TFB1M: variants seen among roughly 807,000 people sequenced by gnomAD.
TFB1M encodes the protein dimethyladenosine transferase 1, mitochondrial.
Under a neutral mutation model 31.1 loss-of-function variants are expected in TFB1M, and 27 were observed. The ratio of observed to expected loss-of-function variants is 0.87; its 90% confidence interval spans 0.64 to 1.20. The LOEUF (loss-of-function observed/expected upper bound fraction) is 1.20, where lower values mean the gene tolerates loss of function less well. Ranked by LOEUF, TFB1M falls within the 50% of genes most tolerant of loss-of-function variation. The probability of loss-of-function intolerance (pLI) is 0.00; values close to 1 mark genes in which losing one functional copy is unlikely to be tolerated. For missense variants in TFB1M, 394 were observed against 418.7 expected, an observed-to-expected ratio of 0.94 and a Z score of 0.51; for synonymous variants, 166 against 151.8, an observed-to-expected ratio of 1.09 and a Z score of -0.69.
intron 2 of TFB1M, among the ~76,000 whole-genome samples, chr6:155,302,424 C>T (rs951809356): frequency 2.0e-5 from 3 of 151,954 alleles, no homozygotes; most frequent in Admixed American, 6.6e-5. Flanking sequence ...ATATAAAAGA[C>T]TACTGCTATT....
intron 2 of TFB1M, among the ~76,000 whole-genome samples, chr6:155,301,727 A>G (rs1477809981): frequency 1.3e-5 from 2 of 152,194 alleles, no homozygotes; most frequent in Non-Finnish European, 2.9e-5. Flanking sequence ...AAGGCTATAA[A>G]AGAAGAAACC....
Position 155,298,568 on chromosome 6 carries a change from T to G in TFB1M, c.303A>C (p.Ala101=), listed in dbSNP as rs1166692687. 1 of 1,612,014 alleles carries G rather than the reference T, an allele frequency of 6.2e-7. No individual in the cohort carries two copies. The highest frequency in any genetic ancestry group is 1.7e-5 in the Admixed American group (1 of 60,010). The change falls in exon 3 of 7, where the codon GCA becomes GCC. Residue 101 remains alanine (A), a synonymous_variant. Coordinates refer to ENST00000367166, the MANE Select transcript of TFB1M (RefSeq NM_016020.4). The part of the protein sequence containing the change: ...IPGLQMLSDA[A]PGKLRIVHGD... ...CATGAACAATTCTCAGTTTCCCAGG[T>G]GCTGCATCAGAAAGCATCTAGTTTA...
chr6:155,291,748 A>G (rs1776936546), intron 4 of TFB1M, among the ~76,000 whole-genome samples: 1 of 152,134 alleles, frequency 6.6e-6, no homozygotes, highest in Non-Finnish European at 1.5e-5. Flanking sequence ...AACCAAAAAC[A>G]TGTCAGACAT....
the TFB1M span, among the ~76,000 whole-genome samples, chr6:155,245,036 A>T: frequency 1.3e-5 from 2 of 152,080 alleles, no homozygotes; most frequent in Non-Finnish European, 2.9e-5. Flanking sequence ...TTGACCACGT[A>T]CGTGCTCTTT....
rs1392369884 is a variant in TFB1M, at chr6:155,286,497, GTGTGTA to G, written c.547-1226_547-1221del. 2.0e-4 allele frequency among the ~76,000 whole-genome samples: 28 copies of G among 139,424 alleles called. No homozygotes were observed. The East Asian group carries it at 4.2e-3, about 21-fold the overall frequency. 91.5% of individuals were successfully genotyped at this position (139,424 alleles called of 152,430 possible). ...TATATATATGTGTGTGTATATATAT[GTGTGTA>G]TATATATGTGTGTATATATATGTAT... is the stretch of plus-strand genomic sequence containing the variant. On this transcript the variant is annotated intron_variant, in intron 4 of 6. Transcript: ENST00000367166.
At chr6:155,273,552 CT>C (rs1484199921) in intron 5 of TFB1M, among the ~76,000 whole-genome samples, 1 of 152,184 alleles carries the variant, frequency 6.6e-6, no homozygotes, top group African/African-American at 2.4e-5. Flanking sequence ...CTCTACAGTC[CT>C]TTTTTTCCTT....
chr6:155,285,281 G>C lies in TFB1M; in HGVS notation c.547-4C>G. Reference sequence around the variant, plus strand: ...TTCCTGTATTGGCTGCAAGTCTCTAGAGAGAGACAAAAATGAATTTTAGCA... The same window carrying C: ...TTCCTGTATTGGCTGCAAGTCTCTACAGAGAGACAAAAATGAATTTTAGCA... On this transcript the variant is annotated splice_region_variant and splice_polypyrimidine_tract_variant and intron_variant, in intron 4 of 6. Coordinates refer to ENST00000367166, the MANE Select transcript of TFB1M (RefSeq NM_016020.4). 1 of 1,613,770 alleles carries C rather than the reference G, an allele frequency of 6.2e-7. No individual in the cohort carries two copies. The highest frequency in any genetic ancestry group is 8.5e-7 in the Non-Finnish European group (1 of 1,179,742).
intron 2 of TFB1M, among the ~76,000 whole-genome samples, chr6:155,301,930 A>C (rs575741432): frequency 6.6e-6 from 1 of 152,330 alleles, no homozygotes; most frequent in East Asian, 1.9e-4. Context: ...GGTACATGAA[A>C]CAATGTAATA....
In TFB1M at chr6:155,257,728, G is replaced by A; in HGVS notation, c.*108C>T. On this transcript the variant is annotated 3_prime_UTR_variant, in exon 7 of 7. Transcript: ENST00000367166. ...GTAAAAGGAAAATAAGTCACATCTGGTCATTGGCATTTGTATCGTCATTCT... is the reference window on the plus strand; with the variant it reads ...GTAAAAGGAAAATAAGTCACATCTGATCATTGGCATTTGTATCGTCATTCT... The A allele has an allele frequency of 1.5e-6, 2 of 1,343,038 alleles. No individual in the cohort carries two copies. Among genetic ancestry groups the A allele is most frequent in the Non-Finnish European group, 2.1e-6 (2 of 957,438 alleles). The allele number at this position is 1,343,038 out of a possible 1,614,324, so 83.2% of individuals were successfully genotyped here. A position where few individuals can be genotyped will look rare whatever the true frequency, so the allele number is the denominator to read the frequency against.
chr6:155,256,206 A>G lies in TFB1M; in HGVS notation c.*1630T>C. On this transcript the variant is annotated 3_prime_UTR_variant, in exon 7 of 7. Transcript: ENST00000367166. ...TACTCCTTGGCAAAATAAGAATCTT[A>G]GCCCATGTAGTAGTTTCTAGTGTCT... The G allele has an allele frequency of 1.8e-6, 1 of 566,066 alleles. No homozygotes were observed. Among genetic ancestry groups the G allele is most frequent in the South Asian group, 2.3e-5 (1 of 43,596 alleles). The allele number at this position is 566,066 out of a possible 1,614,324, so 35.1% of individuals were successfully genotyped here. A position where few individuals can be genotyped will look rare whatever the true frequency, so the allele number is the denominator to read the frequency against.
rs1554249979 is a variant in TFB1M at position 155,257,756 on chromosome 6, A to AAAGAC, written c.*75_*79dup. ...ATTGGCATTTGTATCGTCATTCTGT[A>AAAGAC]AAGACAAAAGAGTACCTATATAAGA... On this transcript the variant is annotated 3_prime_UTR_variant, in exon 7 of 7. Transcript: ENST00000367166. 7 of 1,549,828 alleles carry AAAGAC rather than the reference A, an allele frequency of 4.5e-6. No homozygotes were observed. The East Asian group carries it at 1.3e-4, about 30-fold the overall frequency.
the TFB1M span, among the ~76,000 whole-genome samples, chr6:155,242,223 G>C: frequency 6.6e-6 from 1 of 152,250 alleles, no homozygotes; most frequent in East Asian, 1.9e-4. Context: ...CAGCCTGTGA[G>C]GCATGACTGC....
At chr6:155,268,834 C>A (rs1290411492) in intron 5 of TFB1M, among the ~76,000 whole-genome samples, 1 of 150,432 alleles carries the variant, frequency 6.6e-6, no homozygotes, top group African/African-American at 2.5e-5. Context: ...GGTCCTCTGC[C>A]TAGGAAAACC....
At chr6:155,297,235 T>G (rs1777218435) in intron 3 of TFB1M, 131 bp from the exon 4 acceptor site, 2 of 983,022 alleles carry the variant, frequency 2.0e-6, no homozygotes, top group African/African-American at 1.7e-5. Flanking sequence ...ATGGCTAAAT[T>G]TTTTTTTTCA....
At chr6:155,231,651 T>C in the TFB1M span, among the ~76,000 whole-genome samples, 6 of 152,264 alleles carry the variant, frequency 3.9e-5, no homozygotes, top group South Asian at 1.2e-3. Context: ...AAGCACTAAA[T>C]AGAGTTCAGC....
Position 155,314,330 on chromosome 6 carries a change from T to C in TFB1M, c.99A>G (p.Leu33=). ...KLLRLQAAKQ[L]SQNFLLDLRL... ...TCAAGTCCAGGAGGAAATTCTGTGA[T>C]AGCTGCTTCGCTGCTTGCAGTCTTA... Residue 33 remains leucine, a synonymous_variant, in exon 1 of 7, where the codon CTA becomes CTG. Coordinates refer to ENST00000367166, the MANE Select transcript of TFB1M (RefSeq NM_016020.4). 2 of 1,614,248 alleles carry C rather than the reference T, an allele frequency of 1.2e-6. No homozygotes were observed. Among genetic ancestry groups the C allele is most frequent in the East Asian group, 2.2e-5 (1 of 44,878 alleles).
At chr6:155,298,630 G>T in intron 2 of TFB1M, 45 bp from the exon 3 acceptor site, 1 of 1,322,214 alleles carries the variant, frequency 7.6e-7, no homozygotes, top group South Asian at 1.2e-5. Context: ...ATACTTATGC[G>T]AGTAACAAAA....
chr6:155,270,708 T>C (rs1784878312), intron 5 of TFB1M, among the ~76,000 whole-genome samples: 1 of 152,176 alleles, frequency 6.6e-6, no homozygotes, highest in Non-Finnish European at 1.5e-5. Flanking sequence ...GCCGGGTCCC[T>C]CCATCTGCCA....
At chr6:155,266,970 CT>C (rs375412255) in intron 5 of TFB1M, among the ~76,000 whole-genome samples, 37,634 of 127,070 alleles carry the variant, frequency 0.3, 5,224 homozygotes, top group East Asian at 0.61. Context: ...ACTTTGCTGC[CT>C]TTTTTTTTTT....
Sources: allele counts gnomAD v4.1 joint callset (sites outside exome capture counted in the v4.1 genomes callset), GRCh38; gene constraint gnomAD v4.1.1; transcripts MANE v1.5; gene names NCBI Gene and HGNC (gene_info 2026-07-23, HGNC 2026-07-21).